The following TTLL7 variants were observed in gnomAD, a reference collection of about 807,000 sequenced individuals.
TTLL7 encodes the protein tubulin polyglutamylase TTLL7.
Under a neutral mutation model 120.2 loss-of-function variants are expected in TTLL7, and 53 were observed. The ratio of observed to expected loss-of-function variants is 0.44; its 90% CI spans 0.35 to 0.55. The LOEUF is 0.55. TTLL7 is among the 20% of genes least tolerant of loss of function. The pLI is 0.00. For synonymous variants in TTLL7, 353 were observed against 351.7 expected, an observed-to-expected ratio of 1.00 and a Z score of -0.04; for missense variants, 803 against 1,054.7, an observed-to-expected ratio of 0.76 and a Z score of 3.31.
chr1:83,956,618 C>T (rs1434415945), intron 1 of TTLL7, among the ~76,000 whole-genome samples: 3 of 152,040 alleles, frequency 2.0e-5, no homozygotes, highest in East Asian at 1.9e-4. Flanking sequence ...TTAGTAGAGA[C>T]GAGGTTTCTC....
intron 14 of TTLL7, among the ~76,000 whole-genome samples, chr1:83,912,728 C>A (rs1018811144): frequency 1.3e-5 from 2 of 152,106 alleles, no homozygotes; most frequent in South Asian, 4.1e-4. Flanking sequence ...ATAACCAAAG[C>A]AGGAAAGTAG....
chr1:83,911,503 C>T (rs1284952359), intron 14 of TTLL7, 140 bp from the exon 15 acceptor site: 2 of 679,342 alleles, frequency 2.9e-6, no homozygotes, highest in African/African-American at 1.8e-5. Flanking sequence ...CTATTGCTGC[C>T]ATGCTGCTTA....
chr1:83,971,448 T>C (rs1650967140), intron 1 of TTLL7, among the ~76,000 whole-genome samples: 1 of 152,152 alleles, frequency 6.6e-6, no homozygotes, highest in South Asian at 2.1e-4. Context: ...TAGTTGATTA[T>C]ATTGTTCATC....
At chr1:83,950,037 A>T (rs900979744) in intron 3 of TTLL7, 51 bp from the exon 4 acceptor site, 2 of 1,467,074 alleles carry the variant, frequency 1.4e-6, no homozygotes, top group South Asian at 1.2e-5. Context: ...TCTGAAATAT[A>T]TTCATTGCAG....
intron 1 of TTLL7, among the ~76,000 whole-genome samples, chr1:83,968,145 C>T (rs1009188127): frequency 6.6e-6 from 1 of 151,894 alleles, no homozygotes; most frequent in Non-Finnish European, 1.5e-5. Flanking sequence ...TGCACCATAC[C>T]CATGGGCTTA....
chr1:83,878,859 A>G (rs983443131), intron 20 of TTLL7, among the ~76,000 whole-genome samples: 1 of 151,910 alleles, frequency 6.6e-6, no homozygotes. Context: ...ACTCTCTTCC[A>G]TGTGATAGAT....
Position 83,867,168 on chromosome 1 carries a change from T to A in TTLL7, c.*2794A>T, listed in dbSNP as rs1309504979. ...TACAATCACTTATGCTTATATGTTT[T>A]AACCTATGAATAAAAATTTATAATA... On this transcript the variant is annotated 3_prime_UTR_variant, in exon 21 of 21. Transcript: ENST00000260505. 2 of 152,032 alleles carry A rather than the reference T, an allele frequency of 1.3e-5. No homozygotes were observed. The highest frequency in any genetic ancestry group is 4.8e-5 in the African/African-American group (2 of 41,446). 9.4% of individuals were successfully genotyped at this position (152,032 alleles called of 1,614,324 possible).
intron 19 of TTLL7, among the ~76,000 whole-genome samples, chr1:83,888,408 C>T (rs1008941555): frequency 6.6e-6 from 1 of 151,750 alleles, no homozygotes; most frequent in Non-Finnish European, 1.5e-5. Context: ...ATTAATTCTC[C>T]CTGTTGGTTA....
chr1:83,933,080 G>T (rs1239442183), intron 9 of TTLL7, among the ~76,000 whole-genome samples: 1 of 152,164 alleles, frequency 6.6e-6, no homozygotes, highest in East Asian at 1.9e-4. Flanking sequence ...AAACCTGAAG[G>T]CATACAGTTG....
intron 14 of TTLL7, among the ~76,000 whole-genome samples, chr1:83,916,311 A>C (rs12731167): frequency 4.6e-5 from 7 of 152,166 alleles, no homozygotes; most frequent in African/African-American, 1.7e-4. Context: ...CTATGCAGCC[A>C]TAAAAAAGGA....
intron 1 of TTLL7, among the ~76,000 whole-genome samples, chr1:83,986,030 TAGA>T (rs1473973611): frequency 2.0e-5 from 3 of 152,218 alleles, no homozygotes; most frequent in African/African-American, 7.2e-5. Context: ...TTTCAGAAAA[TAGA>T]AGAAGAAACA....
chr1:83,891,102 C>T (rs1655425402), intron 18 of TTLL7, among the ~76,000 whole-genome samples: 1 of 151,746 alleles, frequency 6.6e-6, no homozygotes, highest in African/African-American at 2.4e-5. Flanking sequence ...AGCTATGGAC[C>T]ATAAAAGATT....
chr1:83,874,483 A>G (rs955276226), intron 20 of TTLL7, among the ~76,000 whole-genome samples: 3 of 152,024 alleles, frequency 2.0e-5, no homozygotes, highest in African/African-American at 7.2e-5. Context: ...TCTTTTGAGT[A>G]AACACCTCGG....
chr1:83,982,220 G>C (rs1364725301), intron 1 of TTLL7, among the ~76,000 whole-genome samples: 3 of 152,090 alleles, frequency 2.0e-5, no homozygotes, highest in Admixed American at 6.5e-5. Flanking sequence ...ACATAGAACT[G>C]AGTAAAAGTG....
intron 1 of TTLL7, chr1:83,980,596 A>T (rs138735657): frequency 2.3e-4 from 35 of 152,346 alleles, no homozygotes; most frequent in Non-Finnish European, 4.1e-4. Flanking sequence ...AGGAAAACTA[A>T]GAAAATTTGA....
At chr1:83,972,110 A>G (rs1651047715) in intron 1 of TTLL7, among the ~76,000 whole-genome samples, 1 of 152,074 alleles carries the variant, frequency 6.6e-6, no homozygotes, top group Non-Finnish European at 1.5e-5. Context: ...CTACATTGAT[A>G]TATCATAATT....
chr1:83,972,399 T>C (rs1056381174), intron 1 of TTLL7, among the ~76,000 whole-genome samples: 1 of 152,090 alleles, frequency 6.6e-6, no homozygotes, highest in Non-Finnish European at 1.5e-5. Context: ...CACACAGTAA[T>C]ATGCATTTAA....
chr1:83,990,584 C>T (rs141711506), intron 1 of TTLL7, among the ~76,000 whole-genome samples: 11 of 152,218 alleles, frequency 7.2e-5, no homozygotes, highest in African/African-American at 1.2e-4. Flanking sequence ...TACAAATGAC[C>T]AATAAGCAAA....
rs1382556992 is a variant in TTLL7, at chr1:83,883,022, T to C, written c.2484A>G (p.Lys828=). 1.2e-6 allele frequency: 2 copies of C among 1,612,698 alleles called. No homozygotes were observed. The highest frequency in any genetic ancestry group is 1.7e-6 in the Non-Finnish European group (2 of 1,179,240). ...LCKQCLLVVY[K]YATDKRGSLS... Reference sequence around the variant, plus strand: ...GTGATCCTCTTTTGTCAGTTGCATATTTGTAAACCACTAGCAGGCACTGTT... The same window carrying C: ...GTGATCCTCTTTTGTCAGTTGCATACTTGTAAACCACTAGCAGGCACTGTT... Residue 828 remains lysine (K), a synonymous_variant, in exon 20 of 21, where the codon AAA becomes AAG. Coordinates refer to ENST00000260505, the MANE Select transcript of TTLL7 (RefSeq NM_024686.6).
Sources: gnomAD v4.1 joint callset for allele counts (sites outside exome capture counted in the v4.1 genomes callset) on GRCh38, gnomAD v4.1.1 for gene constraint, MANE v1.5 for transcripts, NCBI Gene and HGNC (gene_info 2026-07-23, HGNC 2026-07-21) for gene names.